SUPT3H: variants seen among roughly 807,000 people sequenced by gnomAD.
SUPT3H encodes the protein transcription initiation protein SPT3 homolog.
A neutral mutation model predicts 44.3 loss-of-function variants in SUPT3H; 44 were observed. That is an observed-to-expected ratio of 0.99 (90% CI 0.78 to 1.28). The LOEUF is 1.28. SUPT3H is among the 50% of genes most tolerant of loss of function. SUPT3H has a pLI of 0.00. For synonymous variants in SUPT3H, 124 were observed against 125.6 expected (o/e 0.99, Z 0.09); for missense variants, 380 against 387.1 (o/e 0.98, Z 0.15).
intron 2 of SUPT3H, among the ~76,000 whole-genome samples, chr6:45,266,741 T>C (rs1045563050): frequency 6.6e-6 from 1 of 152,054 alleles, no homozygotes; most frequent in African/African-American, 2.4e-5. Context: ...CTCTGAGGCA[T>C]AAAATGAAAA....
At chr6:45,040,281 C>T (rs1788331541) in intron 3 of SUPT3H, among the ~76,000 whole-genome samples, 1 of 152,010 alleles carries the variant, frequency 6.6e-6, no homozygotes, top group Admixed American at 6.6e-5. Flanking sequence ...GTTTGCTGAC[C>T]CCTGGTCTAC....
chr6:45,061,973 C>G (rs759622912), intron 3 of SUPT3H, among the ~76,000 whole-genome samples: 22 of 142,728 alleles, frequency 1.5e-4, no homozygotes, highest in Non-Finnish European at 3.1e-4. Context: ...TATATGAACA[C>G]TTACACACTA....
intron 10 of SUPT3H, among the ~76,000 whole-genome samples, chr6:44,916,590 T>G (rs965957934): frequency 2.0e-5 from 3 of 152,070 alleles, no homozygotes; most frequent in African/African-American, 7.2e-5. Context: ...CATAGAAACA[T>G]TAGGGAATTT....
At chr6:45,008,237 T>A (rs961124891) in intron 5 of SUPT3H, among the ~76,000 whole-genome samples, 2 of 152,198 alleles carry the variant, frequency 1.3e-5, no homozygotes, top group African/African-American at 2.4e-5. Context: ...AATCTATGTT[T>A]ACCCTTTTGA....
intron 2 of SUPT3H, chr6:45,197,819 T>A (rs1415795192): frequency 5.8e-6 from 1 of 173,514 alleles, no homozygotes; most frequent in Non-Finnish European, 1.4e-5. Context: ...TTTCTTTGAA[T>A]TTACAAAGTG....
At chr6:45,116,229 T>C (rs9296451) in intron 2 of SUPT3H, among the ~76,000 whole-genome samples, 27,329 of 152,052 alleles carry the variant, frequency 0.18, 3,945 homozygotes, top group African/African-American at 0.4. Context: ...CTCTCCTTCT[T>C]CTCACATTTT....
chr6:45,228,715 C>G (rs977643446), intron 2 of SUPT3H, among the ~76,000 whole-genome samples: 3 of 152,086 alleles, frequency 2.0e-5, no homozygotes, highest in African/African-American at 7.2e-5. Flanking sequence ...GTGGCACAGT[C>G]TCGGCTCACT....
At chr6:44,836,149 C>A (rs1294740764) in intron 10 of SUPT3H, among the ~76,000 whole-genome samples, 1 of 152,040 alleles carries the variant, frequency 6.6e-6, no homozygotes, top group African/African-American at 2.4e-5. Context: ...CTCTTAAAAT[C>A]AAAGTGGGAA....
intron 10 of SUPT3H, among the ~76,000 whole-genome samples, chr6:44,931,758 C>A (rs572852252): frequency 6.6e-6 from 1 of 152,070 alleles, no homozygotes; most frequent in African/African-American, 2.4e-5. Flanking sequence ...AGAAAGCATT[C>A]TATTTAACTA....
At chr6:45,273,243 T>C (rs2153662859) in intron 2 of SUPT3H, among the ~76,000 whole-genome samples, 1 of 152,332 alleles carries the variant, frequency 6.6e-6, no homozygotes, top group South Asian at 2.1e-4. Context: ...AGATACATTT[T>C]TTCCTTGAAA....
rs528216543 is a variant in SUPT3H at position 45,301,092 on chromosome 6, G to A, written c.101+64109C>T. ...AAGTGGGAAGCTTAAGATCTCTGGG[G>A]TTTCTGGGCAGGCAGGTCCTGGCAA... On this transcript the variant is annotated intron_variant, in intron 2 of 10. Transcript: ENST00000371459. Among the ~76,000 whole-genome samples the A allele has an allele frequency of 3.3e-5, 5 of 152,284 alleles. No homozygotes were observed. The South Asian group carries it at 1.0e-3, about 32-fold the overall frequency.
At chr6:44,809,607 AAC>A (rs1410468103) in intron 11 of SUPT3H, 1 of 152,264 alleles carries the variant, frequency 6.6e-6, no homozygotes, top group Admixed American at 6.5e-5. Flanking sequence ...CATTACAAAT[AAC>A]ACAAAGTTTC....
Position 45,251,381 on chromosome 6 carries a change from TAAG to T in SUPT3H, c.101+113817_101+113819del, listed in dbSNP as rs538777221. On this transcript the variant is annotated intron_variant, in intron 2 of 10. Coordinates refer to ENST00000371459, the MANE Select transcript of SUPT3H (RefSeq NM_003599.4). ...CTTCTTTAAACTTATTCTAAATGAC[TAAG>T]AAGAGAAGCTGCACACACACACACA... is the stretch of plus-strand genomic sequence containing the variant. 7.5e-3 allele frequency among the ~76,000 whole-genome samples: 1,081 copies of T among 144,092 alleles called. 8 individuals are homozygous for T. Among genetic ancestry groups the T allele is most frequent in the African/African-American group, 0.026 (994 of 37,708 alleles). 94.5% of individuals were successfully genotyped at this position (144,092 alleles called of 152,430 possible).
At chr6:45,363,888 C>A (rs1008473970) in intron 2 of SUPT3H, among the ~76,000 whole-genome samples, 3 of 151,728 alleles carry the variant, frequency 2.0e-5, no homozygotes, top group Admixed American at 2.0e-4. Context: ...CAAGTTAATG[C>A]ATAAATTTCT....
intron 2 of SUPT3H, among the ~76,000 whole-genome samples, chr6:45,315,965 A>ATAGATAGG (rs2150011543): frequency 6.6e-6 from 1 of 151,692 alleles, no homozygotes; most frequent in South Asian, 2.1e-4. Context: ...AGATAGATAG[A>ATAGATAGG]TAGATAGATG....
intron 2 of SUPT3H, among the ~76,000 whole-genome samples, chr6:45,303,567 G>A (rs957770351): frequency 1.4e-5 from 2 of 143,766 alleles, no homozygotes; most frequent in African/African-American, 2.6e-5. Flanking sequence ...TTTGCTTTTT[G>A]TTTCTCGTTT....
At chr6:44,973,024 A>C (rs1364971302) in intron 6 of SUPT3H, among the ~76,000 whole-genome samples, 2 of 152,168 alleles carry the variant, frequency 1.3e-5, no homozygotes, top group Non-Finnish European at 2.9e-5. Flanking sequence ...TTATTTATGC[A>C]AATTTCTGCA....
intron 9 of SUPT3H, among the ~76,000 whole-genome samples, chr6:44,937,120 T>G (rs942832124): frequency 1.3e-5 from 2 of 152,214 alleles, no homozygotes; most frequent in Admixed American, 6.5e-5. Flanking sequence ...CTTTTTGATG[T>G]AATGATTTCT....
chr6:45,335,169 G>T (rs987053609), intron 2 of SUPT3H, among the ~76,000 whole-genome samples: 2 of 151,128 alleles, frequency 1.3e-5, no homozygotes, highest in African/African-American at 4.8e-5. Flanking sequence ...TATGATAATT[G>T]CTAGAATTAA....
Sources: allele counts gnomAD v4.1 joint callset (sites outside exome capture counted in the v4.1 genomes callset), GRCh38; gene constraint gnomAD v4.1.1; transcripts MANE v1.5; gene names NCBI Gene and HGNC (gene_info 2026-07-23, HGNC 2026-07-21).